Variants in CNTN3 observed in about 807,000 individuals in gnomAD.
CNTN3 encodes the protein contactin-3.
A neutral mutation model predicts 119.1 loss-of-function variants in CNTN3; 60 were observed. That is an observed-to-expected ratio of 0.50 (90% CI 0.41 to 0.62). CNTN3 has a LOEUF of 0.62. Ranked by LOEUF, CNTN3 falls within the 20% of genes least tolerant of loss-of-function variation. The pLI is 0.00. For synonymous variants in CNTN3, 450 were observed against 438.7 expected (o/e 1.03, Z -0.32); for missense variants, 1,101 against 1,242.4 (o/e 0.89, Z 1.71).
chr3:74,280,500 G>C (rs1267170263), intron 20 of CNTN3, among the ~76,000 whole-genome samples: 1 of 152,110 alleles, frequency 6.6e-6, no homozygotes, highest in African/African-American at 2.4e-5. Context: ...CTTAGCTCTG[G>C]GTAGAATAAT....
intron 5 of CNTN3, among the ~76,000 whole-genome samples, chr3:74,379,821 G>A (rs1704571625): frequency 1.3e-5 from 2 of 152,124 alleles, no homozygotes; most frequent in South Asian, 4.1e-4. Context: ...AACAGCATTG[G>A]CAAGACATTT....
At position 74,264,258 on chromosome 3, in the gene CNTN3, T is replaced by G. The variant is rs1701626441; in HGVS notation, c.*143A>C. On this transcript the variant is annotated 3_prime_UTR_variant, in exon 23 of 23. Coordinates refer to ENST00000263665, the MANE Select transcript of CNTN3 (RefSeq NM_020872.3). ...TCCCCTAAAAGGATTTACTGTTTTT[T>G]TAATTATATTCATATTTACCTATAA... 1 of 440,576 alleles carries G rather than the reference T, an allele frequency of 2.3e-6. No individual in the cohort carries two copies. The highest frequency in any genetic ancestry group is 2.0e-5 in the African/African-American group (1 of 49,062). The allele number at this position is 440,576 out of a possible 1,614,324, so 27.3% of individuals were successfully genotyped here. A position where few individuals can be genotyped will look rare whatever the true frequency, so the allele number is the denominator to read the frequency against.
intron 4 of CNTN3, among the ~76,000 whole-genome samples, chr3:74,476,651 G>A (rs1367572795): frequency 1.3e-5 from 2 of 152,090 alleles, no homozygotes; most frequent in African/African-American, 2.4e-5. Context: ...ATACTTTAGA[G>A]TTAAACAAAT....
chr3:74,290,396 T>C (rs528835790), intron 19 of CNTN3, among the ~76,000 whole-genome samples: 2 of 152,342 alleles, frequency 1.3e-5, no homozygotes, highest in South Asian at 4.1e-4. Context: ...CACTGTTGTA[T>C]GTGTCATCTG....
intron 1 of CNTN3, among the ~76,000 whole-genome samples, chr3:74,557,155 C>A (rs1704081696): frequency 6.6e-6 from 1 of 152,112 alleles, no homozygotes; most frequent in South Asian, 2.1e-4. Context: ...TCTGATTTTT[C>A]TCTTTTTTCT....
intron 5 of CNTN3, among the ~76,000 whole-genome samples, chr3:74,407,435 ATT>A (rs372596619): frequency 5.1e-5 from 7 of 136,480 alleles, no homozygotes; most frequent in Admixed American, 7.4e-5. Context: ...CGCCTGGCTA[ATT>A]TTTTTTTTTT....
intron 1 of CNTN3, among the ~76,000 whole-genome samples, chr3:74,568,653 T>C (rs1440352037): frequency 6.6e-6 from 1 of 152,192 alleles, no homozygotes; most frequent in Non-Finnish European, 1.5e-5. Context: ...AACTACTAAA[T>C]TCTGGACGTC....
At chr3:74,299,983 G>T in intron 16 of CNTN3, 45 bp from the exon 17 acceptor site, 1 of 1,219,994 alleles carries the variant, frequency 8.2e-7, no homozygotes, top group Non-Finnish European at 1.1e-6. Context: ...CTTGCATTTA[G>T]TAATATTTAT....
At chr3:74,443,754 TA>T (rs1305673522) in intron 4 of CNTN3, among the ~76,000 whole-genome samples, 5 of 152,170 alleles carry the variant, frequency 3.3e-5, no homozygotes, top group Non-Finnish European at 5.9e-5. Context: ...TCGTTATTAA[TA>T]GATTCCTTAA....
chr3:74,378,666 C>T (rs1219368224), intron 5 of CNTN3, among the ~76,000 whole-genome samples: 1 of 152,172 alleles, frequency 6.6e-6, no homozygotes, highest in Non-Finnish European at 1.5e-5. Flanking sequence ...TCTGTGGCTG[C>T]TTTTATGCTA....
chr3:74,477,712 C>T (rs941546207), intron 4 of CNTN3, among the ~76,000 whole-genome samples: 5 of 151,842 alleles, frequency 3.3e-5, no homozygotes, highest in East Asian at 1.9e-4. Flanking sequence ...GTTTATAACA[C>T]GAAGGATAAA....
chr3:74,582,265 G>T (rs1281015928), intron 1 of CNTN3, among the ~76,000 whole-genome samples: 1 of 152,048 alleles, frequency 6.6e-6, no homozygotes, highest in Admixed American at 6.6e-5. Context: ...AATTAGCTGG[G>T]TATGGTGGCG....
At chr3:74,397,916 G>A (rs923663964) in intron 5 of CNTN3, among the ~76,000 whole-genome samples, 3 of 152,140 alleles carry the variant, frequency 2.0e-5, no homozygotes, top group African/African-American at 4.8e-5. Context: ...GAAATAACAA[G>A]TAAAACAAAA....
intron 4 of CNTN3, among the ~76,000 whole-genome samples, chr3:74,481,510 A>T (rs1183992676): frequency 6.6e-6 from 1 of 151,896 alleles, no homozygotes; most frequent in Non-Finnish European, 1.5e-5. Flanking sequence ...ATAACTCACA[A>T]ATCAAAGAAA....
chr3:74,467,948 A>C (rs978737449), intron 4 of CNTN3, among the ~76,000 whole-genome samples: 1 of 152,248 alleles, frequency 6.6e-6, no homozygotes, highest in Non-Finnish European at 1.5e-5. Context: ...ATCTATGCCA[A>C]GAAGCATTCA....
chr3:74,544,248 G>A (rs1215687867), intron 1 of CNTN3, among the ~76,000 whole-genome samples: 2 of 152,140 alleles, frequency 1.3e-5, no homozygotes, highest in Non-Finnish European at 2.9e-5. Context: ...AAAACCTTAT[G>A]ATATAACAAT....
chr3:74,318,566 C>G (rs907277242), intron 13 of CNTN3, among the ~76,000 whole-genome samples: 1 of 152,198 alleles, frequency 6.6e-6, no homozygotes, highest in Non-Finnish European at 1.5e-5. Context: ...GGACCCTCAG[C>G]TGCAGGTCTG....
chr3:74,381,097 C>A (rs149807718), intron 5 of CNTN3, among the ~76,000 whole-genome samples: 1 of 150,910 alleles, frequency 6.6e-6, no homozygotes, highest in Non-Finnish European at 1.5e-5. Context: ...CACACACACA[C>A]ACACGCACAC....
intron 5 of CNTN3, among the ~76,000 whole-genome samples, chr3:74,382,713 G>A (rs1704651685): frequency 6.6e-6 from 1 of 152,152 alleles, no homozygotes; most frequent in Admixed American, 6.5e-5. Flanking sequence ...CCTTTGTAAA[G>A]GCTTAAGAAT....
Sources: allele counts gnomAD v4.1 joint callset (sites outside exome capture counted in the v4.1 genomes callset), GRCh38; gene constraint gnomAD v4.1.1; transcripts MANE v1.5; gene names NCBI Gene and HGNC (gene_info 2026-07-23, HGNC 2026-07-21).